Variants in SGCD observed in about 807,000 individuals in gnomAD.
SGCD encodes the protein delta-sarcoglycan.
Under a neutral mutation model 36.6 loss-of-function variants are expected in SGCD, and 18 were observed. That is an observed-to-expected ratio of 0.49 (90% CI 0.34 to 0.73). SGCD has a LOEUF of 0.73. Ranked by LOEUF, SGCD falls within the 30% of genes least tolerant of loss-of-function variation. The probability of loss-of-function intolerance (pLI) is 0.01; values close to 1 mark genes in which losing one functional copy is unlikely to be tolerated. For missense variants in SGCD, 387 were observed against 346.7 expected, an observed-to-expected ratio of 1.12 and a Z score of -0.92; for synonymous variants, 133 against 130.6, an observed-to-expected ratio of 1.02 and a Z score of -0.12.
chr5:156,748,774 T>C (rs1004394899), intron 7 of SGCD, among the ~76,000 whole-genome samples: 1 of 152,146 alleles, frequency 6.6e-6, no homozygotes, highest in African/African-American at 2.4e-5. Context: ...TTATACATAC[T>C]GAGACAAAAA....
chr5:156,445,615 G>A (rs1033598821), intron 3 of SGCD, among the ~76,000 whole-genome samples: 9 of 152,066 alleles, frequency 5.9e-5, no homozygotes, highest in East Asian at 1.9e-4. Flanking sequence ...TTCTCCCCCC[G>A]TACTATTTGT....
At chr5:155,995,828 G>A (rs1864943) in intron 1 of SGCD, among the ~76,000 whole-genome samples, 33,458 of 151,734 alleles carry the variant, frequency 0.22, 4,522 homozygotes, top group South Asian at 0.37. Flanking sequence ...GATGGCCCCC[G>A]AGTGAGGAAA....
intron 3 of SGCD, among the ~76,000 whole-genome samples, chr5:156,174,966 T>TA (rs1165609492): frequency 2.0e-5 from 3 of 151,856 alleles, no homozygotes; most frequent in African/African-American, 4.8e-5. Context: ...AATAGGATTT[T>TA]AAAAAAAAGA....
rs78523124 is a variant in SGCD, at chr5:156,158,549, C to T, written c.-44+34530C>T. ...AGAGTAAGTGACCTGACCCCACTCACGGCCTTCTCTCCAGTCTGTTCATGT... is the reference window on the plus strand; with the variant it reads ...AGAGTAAGTGACCTGACCCCACTCATGGCCTTCTCTCCAGTCTGTTCATGT... On this transcript the variant is annotated intron_variant, in intron 3 of 9. Transcript: ENST00000517913. 3.3e-5 allele frequency among the ~76,000 whole-genome samples: 5 copies of T among 151,462 alleles called. No homozygotes were observed. The South Asian group carries it at 6.2e-4, about 19-fold the overall frequency.
chr5:156,193,258 A>T (rs1231537931), intron 3 of SGCD, among the ~76,000 whole-genome samples: 1 of 151,850 alleles, frequency 6.6e-6, no homozygotes, highest in Non-Finnish European at 1.5e-5. Flanking sequence ...TGTTGTTCCG[A>T]CCCTGCTTAC....
chr5:156,314,862 T>C (rs1046335882), intron 3 of SGCD, among the ~76,000 whole-genome samples: 1 of 151,998 alleles, frequency 6.6e-6, no homozygotes, highest in Non-Finnish European at 1.5e-5. Context: ...ATAATTCATA[T>C]TAGTAAGACT....
intron 1 of SGCD, among the ~76,000 whole-genome samples, chr5:156,102,392 G>A (rs186488591): frequency 2.0e-5 from 3 of 152,214 alleles, no homozygotes; most frequent in African/African-American, 7.2e-5. Context: ...GTGGGAGAAT[G>A]TGCAATATGT....
chr5:156,210,582 T>A (rs1764412022), intron 3 of SGCD, among the ~76,000 whole-genome samples: 1 of 151,208 alleles, frequency 6.6e-6, no homozygotes, highest in African/African-American at 2.4e-5. Context: ...AAAGAATAAA[T>A]GACCTAAGCT....
chr5:156,279,878 T>A (rs1766406752), intron 3 of SGCD, among the ~76,000 whole-genome samples: 1 of 151,968 alleles, frequency 6.6e-6, no homozygotes, highest in Admixed American at 6.6e-5. Flanking sequence ...CAACACCAAG[T>A]CATGATGGGT....
chr5:156,497,665 G>C (rs1413459469), intron 3 of SGCD, among the ~76,000 whole-genome samples: 1 of 148,730 alleles, frequency 6.7e-6, no homozygotes, highest in African/African-American at 2.5e-5. Flanking sequence ...CACACACACA[G>C]AAAATGATCT....
intron 7 of SGCD, among the ~76,000 whole-genome samples, chr5:156,726,625 T>C (rs1165580700): frequency 6.6e-6 from 1 of 152,252 alleles, no homozygotes; most frequent in Non-Finnish European, 1.5e-5. Context: ...TTATGCTCCT[T>C]CAGCCTGACG....
chr5:156,039,456 G>C (rs1432729), intron 1 of SGCD, among the ~76,000 whole-genome samples: 1 of 149,104 alleles, frequency 6.7e-6, no homozygotes, highest in East Asian at 1.9e-4. Flanking sequence ...TTTTGTTTTT[G>C]CATGATGGTA....
intron 2 of SGCD, 43 bp from the exon 3 acceptor site, chr5:156,344,446 G>A (rs1237464911): frequency 7.5e-7 from 1 of 1,329,758 alleles, no homozygotes; most frequent in Non-Finnish European, 1.0e-6. Flanking sequence ...TCTTCTCTCA[G>A]CGGTTTAATG....
At chr5:156,634,122 CCACAGGACAACGAG>C (rs1300574441) in intron 6 of SGCD, among the ~76,000 whole-genome samples, 1 of 152,188 alleles carries the variant, frequency 6.6e-6, no homozygotes, top group Non-Finnish European at 1.5e-5. Context: ...CCTCTCTTCC[CCACAGGACAACGAG>C]CCTACTCTCC....
chr5:155,746,965 C>T, the SGCD span, among the ~76,000 whole-genome samples: 4 of 152,086 alleles, frequency 2.6e-5, no homozygotes, highest in Non-Finnish European at 5.9e-5. Context: ...AGGCATTTTC[C>T]CTCCTTTCTG....
At chr5:156,238,338 A>T (rs1033263134) in intron 3 of SGCD, among the ~76,000 whole-genome samples, 1 of 152,188 alleles carries the variant, frequency 6.6e-6, no homozygotes, top group Non-Finnish European at 1.5e-5. Flanking sequence ...CCTTTAGAGT[A>T]GGTGGTATAG....
chr5:156,517,403 G>T (rs1218065801), intron 4 of SGCD, among the ~76,000 whole-genome samples: 1 of 152,180 alleles, frequency 6.6e-6, no homozygotes, highest in Non-Finnish European at 1.5e-5. Flanking sequence ...ATGGAACCAA[G>T]TTGGAAAACG....
intron 7 of SGCD, among the ~76,000 whole-genome samples, chr5:156,714,301 G>A (rs991407034): frequency 6.6e-6 from 1 of 152,058 alleles, no homozygotes; most frequent in Admixed American, 6.6e-5. Flanking sequence ...CACATTTTTT[G>A]CACTTTTGTC....
At chr5:155,815,318 T>A in the SGCD span, among the ~76,000 whole-genome samples, 1 of 152,326 alleles carries the variant, frequency 6.6e-6, no homozygotes, top group Non-Finnish European at 1.5e-5. Flanking sequence ...TAATTATTAC[T>A]CTCAACATAA....
Sources: gnomAD v4.1 joint callset for allele counts (sites outside exome capture counted in the v4.1 genomes callset) on GRCh38, gnomAD v4.1.1 for gene constraint, MANE v1.5 for transcripts, NCBI Gene and HGNC (gene_info 2026-07-23, HGNC 2026-07-21) for gene names.